IAH1: variants seen among roughly 807,000 people sequenced by gnomAD.
IAH1 encodes the protein isoamyl acetate hydrolyzing esterase 1 (putative).
Under a neutral mutation model 26.7 loss-of-function variants are expected in IAH1, and 24 were observed. The ratio of observed to expected loss-of-function variants is 0.90; its 90% CI spans 0.65 to 1.26. The LOEUF is 1.26. Ranked by LOEUF, IAH1 falls within the 50% of genes most tolerant of loss-of-function variation. IAH1 has a pLI of 0.00. For missense variants in IAH1, 300 were observed against 299.9 expected (o/e 1.00, Z 0.00); for synonymous variants, 140 against 118.5 (o/e 1.18, Z -1.18).
chr2:9,484,861 A>G (rs1480328955), intron 5 of IAH1: 3 of 266,456 alleles, frequency 1.1e-5, no homozygotes, highest in African/African-American at 2.2e-5. Context: ...GCAGAAAGCT[A>G]AAACTTGTTA....
At chr2:9,481,172 A>C in intron 3 of IAH1, 114 bp from the exon 4 acceptor site, 1 of 1,144,482 alleles carries the variant, frequency 8.7e-7, no homozygotes, top group Non-Finnish European at 1.3e-6. Flanking sequence ...CCTTGGTGTT[A>C]AACAATCCCC....
At chr2:9,487,841 C>T (rs568767506) in intron 5 of IAH1, among the ~76,000 whole-genome samples, 13,401 of 137,310 alleles carry the variant, frequency 0.098, 731 homozygotes, top group African/African-American at 0.16. Flanking sequence ...TGTGCGCGCG[C>T]GCGCGCGCGC....
the IAH1 span, among the ~76,000 whole-genome samples, chr2:9,508,652 G>A: frequency 5.9e-5 from 9 of 152,144 alleles, no homozygotes; most frequent in Non-Finnish European, 1.2e-4. Context: ...TTACAATTCA[G>A]TTCCTCAGTT....
chr2:9,491,848 G>A (rs1216332917), downstream of IAH1, among the ~76,000 whole-genome samples: 1 of 152,218 alleles, frequency 6.6e-6, no homozygotes, highest in Non-Finnish European at 1.5e-5. Flanking sequence ...GCTTTGCTCT[G>A]AAATCAAGGG....
At chr2:9,474,432 A>G (rs2124885958), upstream of IAH1, 2 of 463,386 alleles carry the variant, frequency 4.3e-6, no homozygotes, top group Non-Finnish European at 7.4e-6. The surrounding 1 kb of genome is among the most constrained non-coding windows in gnomAD (Gnocchi z 4.3). Flanking sequence ...ACGGACTCCA[A>G]GGGGCAACGA....
At chr2:9,477,292 G>A (rs1185816959) in intron 2 of IAH1, among the ~76,000 whole-genome samples, 1 of 151,950 alleles carries the variant, frequency 6.6e-6, no homozygotes, top group Non-Finnish European at 1.5e-5. Flanking sequence ...GCTTGGTTAT[G>A]CATGTATGGG....
intron 2 of IAH1, among the ~76,000 whole-genome samples, chr2:9,477,510 T>C (rs1219304697): frequency 6.6e-6 from 1 of 152,126 alleles, no homozygotes; most frequent in African/African-American, 2.4e-5. Context: ...GTCCCTCTTA[T>C]GTGACTGGTA....
At chr2:9,487,237 G>C (rs1661559165) in intron 5 of IAH1, among the ~76,000 whole-genome samples, 1 of 152,062 alleles carries the variant, frequency 6.6e-6, no homozygotes, top group Non-Finnish European at 1.5e-5. Context: ...GCAAGACCCT[G>C]TCTCCAAAAA....
At chr2:9,478,416 T>C in intron 3 of IAH1, 46 bp downstream of exon 3, 1 of 1,508,782 alleles carries the variant, frequency 6.6e-7, no homozygotes, top group Non-Finnish European at 9.0e-7. Flanking sequence ...TAATCATTTT[T>C]ATGTTACAGC....
chr2:9,490,069 TCTGCTAAGTCA>T, downstream of IAH1: 1 of 1,054,616 alleles, frequency 9.5e-7, no homozygotes, highest in Non-Finnish European at 1.3e-6. Flanking sequence ...ATGACCAGCA[TCTGCTAAGTCA>T]CTTCCCAGTC....
At chr2:9,493,898 A>C (rs994691640), downstream of IAH1, 3 of 1,288,174 alleles carry the variant, frequency 2.3e-6, no homozygotes, top group Non-Finnish European at 3.3e-6. Context: ...GCTTTATAAA[A>C]ATAACTGACA....
In IAH1 at chr2:9,478,494, T is replaced by TA. The variant is rs746929117; in HGVS notation, c.283+125dup. ...CCAATAGATACAGTTTTGCCAAACTTATGTTGTTTATATGTATTCCTGGCT... is the reference window on the plus strand; with the variant it reads ...CCAATAGATACAGTTTTGCCAAACTTAATGTTGTTTATATGTATTCCTGGCT... On this transcript the variant is annotated intron_variant, in intron 3 of 5. Transcript: ENST00000497473. 717 of 883,522 alleles carry TA rather than the reference T, an allele frequency of 8.1e-4. 2 individuals carry two copies. Among genetic ancestry groups the TA allele is most frequent in the Non-Finnish European group, 8.9e-4 (524 of 589,658 alleles). 54.7% of individuals were successfully genotyped at this position (883,522 alleles called of 1,614,324 possible). A position where few individuals can be genotyped will look rare whatever the true frequency, so the allele number is the denominator to read the frequency against.
At position 9,484,117 on chromosome 2, in the gene IAH1, C is replaced by A. The variant is rs115118387; in HGVS notation, c.446-315C>A. Among the ~76,000 whole-genome samples, 1,519 of 152,310 alleles carry A rather than the reference C, an allele frequency of 1.0e-2. 20 individuals carry two copies. Among genetic ancestry groups the A allele is most frequent in the African/African-American group, 0.031 (1,295 of 41,570 alleles). ...CCTGCAGCCGGCACTCTCCAAGCAG[C>A]CCAGCCCTCCTGGGCCTTTCCTGCC... On this transcript the variant is annotated intron_variant, in intron 4 of 5. Transcript: ENST00000497473.
In IAH1 at chr2:9,488,226, T is replaced by C. The variant is rs1361436099; in HGVS notation, c.644T>C (p.Leu215Ser). 10 of 1,613,584 alleles carry C rather than the reference T, an allele frequency of 6.2e-6. No homozygotes were observed. In the East Asian group the frequency reaches 2.2e-4, roughly 36 times the overall value. ...TTTTTGTTCTCGCATCTCTGGCCTT[T>C]GATAGAGAAAAAGGTCTCTTCTCTA... ...NEFLFSHLWP[L>S]IEKKVSSLPL... The change falls in exon 6 of 6, where the codon TTG becomes TCG. Residue 215 changes from leucine (L) to serine (S), a missense_variant. Transcript: ENST00000497473.
At position 9,474,827 on chromosome 2, in the gene IAH1, G is replaced by C; in HGVS notation, c.81+180G>C. On this transcript the variant is annotated intron_variant, in intron 1 of 5. Coordinates refer to ENST00000497473, the MANE Select transcript of IAH1 (RefSeq NM_001039613.3). This position sits in a 1 kb window ranked among gnomAD's most constrained non-coding sequence, Gnocchi z 4.3. ...CCCAGTGGCTGCGCCTTCCGGGCCCGCGGCGTCCCGGAGGTCACGACGGCG... is the reference window on the plus strand; with the variant it reads ...CCCAGTGGCTGCGCCTTCCGGGCCCCCGGCGTCCCGGAGGTCACGACGGCG... The C allele has an allele frequency of 1.9e-6, 1 of 538,368 alleles. No homozygotes were observed. The highest frequency in any genetic ancestry group is 4.7e-5 in the Admixed American group (1 of 21,358). The allele number at this position is 538,368 out of a possible 1,614,324, so 33.3% of individuals were successfully genotyped here. A position where few individuals can be genotyped will look rare whatever the true frequency, so the allele number is the denominator to read the frequency against.
At position 9,474,551 on chromosome 2, in the gene IAH1, C is replaced by CCCGCA; in HGVS notation, c.-12_-11insACCGC. The stretch of plus-strand genomic sequence containing the variant: ...CTCGTGGCTGGCGGCCCCGCCCCGC[C>CCCGCA]CCGCCCGGCTGCTCCATGGCGCTGT... On this transcript the variant is annotated 5_prime_UTR_variant, in exon 1 of 6. Transcript: ENST00000497473. This position sits in a 1 kb window ranked among gnomAD's most constrained non-coding sequence, Gnocchi z 4.3. The CCCGCA allele has an allele frequency of 1.4e-6, 2 of 1,458,126 alleles. No individual in the cohort carries two copies. The highest frequency in any genetic ancestry group is 1.8e-6 in the Non-Finnish European group (2 of 1,107,534). The allele number at this position is 1,458,126 out of a possible 1,614,324, so 90.3% of individuals were successfully genotyped here. A position where few individuals can be genotyped will look rare whatever the true frequency, so the allele number is the denominator to read the frequency against.
intron 1 of IAH1, 190 bp from the exon 2 acceptor site, chr2:9,475,797 G>A (rs1682456159): frequency 3.3e-6 from 2 of 613,362 alleles, no homozygotes; most frequent in Non-Finnish European, 2.9e-6. Flanking sequence ...GCTTTTGATA[G>A]AGAAAAATCC....
At chr2:9,510,100 C>T in the IAH1 span, 1 of 1,614,140 alleles carries the variant, frequency 6.2e-7, no homozygotes. Context: ...AAAATTATGT[C>T]CCAATTCATG....
intron 2 of IAH1, among the ~76,000 whole-genome samples, chr2:9,476,323 T>A (rs898152187): frequency 1.3e-5 from 2 of 152,262 alleles, no homozygotes; most frequent in African/African-American, 4.8e-5. Flanking sequence ...CAAGTCCAGC[T>A]GCTATGACTG....
Sources: allele counts gnomAD v4.1 joint callset (sites outside exome capture counted in the v4.1 genomes callset), GRCh38; gene constraint gnomAD v4.1.1; non-coding constraint Gnocchi (gnomAD v3.1); transcripts MANE v1.5; gene names NCBI Gene and HGNC (gene_info 2026-07-23, HGNC 2026-07-21).